NFASC: variants seen among roughly 807,000 people sequenced by gnomAD.
NFASC encodes the protein neurofascin.
A neutral mutation model predicts 147.5 loss-of-function variants in NFASC; 43 were observed. The ratio of observed to expected loss-of-function variants is 0.29; its 90% confidence interval spans 0.23 to 0.38. The LOEUF is 0.38. Among genes scored for constraint, NFASC ranks in the 10% least tolerant of loss-of-function variants. The probability of loss-of-function intolerance (pLI) is 1.00; values close to 1 mark genes in which losing one functional copy is unlikely to be tolerated. For synonymous variants in NFASC, 622 were observed against 665.5 expected (o/e 0.93, Z 1.01); for missense variants, 1,320 against 1,689.0 (o/e 0.78, Z 3.83).
At chr1:204,858,758 G>A (rs1016603229) in intron 1 of NFASC, among the ~76,000 whole-genome samples, 8 of 152,028 alleles carry the variant, frequency 5.3e-5, no homozygotes, top group African/African-American at 9.7e-5. Flanking sequence ...CACCTGCTCC[G>A]TGTAGGAGCT....
chr1:204,962,837 A>T (rs940998145), intron 8 of NFASC, among the ~76,000 whole-genome samples: 1 of 152,226 alleles, frequency 6.6e-6, no homozygotes, highest in African/African-American at 2.4e-5. Flanking sequence ...CTTGCGAGAC[A>T]TGGAACAATT....
intron 1 of NFASC, among the ~76,000 whole-genome samples, chr1:204,901,048 G>A (rs2084458616): frequency 1.3e-5 from 2 of 152,120 alleles, no homozygotes; most frequent in African/African-American, 4.8e-5. Flanking sequence ...AGAAAGAGAG[G>A]AGGCAAAGAG....
At chr1:204,959,539 CA>C (rs1449545634) in intron 8 of NFASC, among the ~76,000 whole-genome samples, 1 of 152,204 alleles carries the variant, frequency 6.6e-6, no homozygotes, top group Admixed American at 6.5e-5. Context: ...ACAGCATTGG[CA>C]GGGGGAGGAG....
intron 21 of NFASC, 50 bp downstream of exon 21, chr1:204,982,070 G>A (rs529460304): frequency 5.4e-5 from 70 of 1,285,322 alleles, no homozygotes; most frequent in East Asian, 3.3e-4. Context: ...TGGCTAGGTC[G>A]CACGAGGCCA....
intron 1 of NFASC, among the ~76,000 whole-genome samples, chr1:204,915,698 C>T (rs1355453594): frequency 6.6e-6 from 1 of 152,074 alleles, no homozygotes; most frequent in Non-Finnish European, 1.5e-5. Flanking sequence ...TCTTTTTGCC[C>T]TGAGCACAGT....
chr1:204,852,466 C>T (rs979876730), intron 1 of NFASC, among the ~76,000 whole-genome samples: 21 of 152,216 alleles, frequency 1.4e-4, no homozygotes, highest in Admixed American at 2.6e-4. Flanking sequence ...CGCCACTGCA[C>T]TCCAACCTGG....
chr1:204,924,360 C>A (rs758551425), intron 2 of NFASC, among the ~76,000 whole-genome samples: 2 of 152,202 alleles, frequency 1.3e-5, no homozygotes, highest in Non-Finnish European at 2.9e-5. Context: ...TCTATGCTCC[C>A]GCTTATCACA....
chr1:205,012,750 T>G (rs776101430), intron 28 of NFASC, 47 bp from the exon 29 acceptor site: 1 of 1,373,530 alleles, frequency 7.3e-7, no homozygotes, highest in Non-Finnish European at 1.0e-6. Context: ...AGCAGGGGCA[T>G]GTACTTAATC....
chr1:204,960,601 C>T (rs2094614860), intron 8 of NFASC, among the ~76,000 whole-genome samples: 1 of 152,224 alleles, frequency 6.6e-6, no homozygotes, highest in Non-Finnish European at 1.5e-5. Flanking sequence ...TGGGCTACTT[C>T]TCTGGAGAGA....
chr1:204,921,147 G>A (rs1361037256), intron 2 of NFASC, among the ~76,000 whole-genome samples: 1 of 152,196 alleles, frequency 6.6e-6, no homozygotes, highest in Non-Finnish European at 1.5e-5. Context: ...CCCTGCCCTG[G>A]GCGGGGCATT....
At chr1:204,955,639 C>T (rs2094390502) in intron 7 of NFASC, among the ~76,000 whole-genome samples, 1 of 151,884 alleles carries the variant, frequency 6.6e-6, no homozygotes, top group South Asian at 2.1e-4. Context: ...CCCATGTTTT[C>T]AATTTAAATA....
chr1:204,844,381 T>G (rs1158155678), intron 1 of NFASC, among the ~76,000 whole-genome samples: 1 of 152,224 alleles, frequency 6.6e-6, no homozygotes, highest in African/African-American at 2.4e-5. Context: ...AGCTTCATGC[T>G]CTGCCTTATT....
At chr1:204,846,675 T>TCACTG (rs1395848864) in intron 1 of NFASC, among the ~76,000 whole-genome samples, 1 of 152,060 alleles carries the variant, frequency 6.6e-6, no homozygotes, top group Non-Finnish European at 1.5e-5. Context: ...CACGTGACCA[T>TCACTG]CACTGCACCC....
At chr1:204,950,156 G>C (rs2094009122) in intron 3 of NFASC, among the ~76,000 whole-genome samples, 1 of 152,202 alleles carries the variant, frequency 6.6e-6, no homozygotes, top group South Asian at 2.1e-4. Context: ...AGCCTCTCCT[G>C]TTCACTGTTG....
chr1:204,841,715 C>A (rs1370080789), intron 1 of NFASC, among the ~76,000 whole-genome samples: 1 of 152,160 alleles, frequency 6.6e-6, no homozygotes, highest in African/African-American at 2.4e-5. Context: ...ACAAGGGGGA[C>A]AACCCCATGA....
chr1:204,856,418 T>TGTGTGTGTGTGTGA (rs1320968276), intron 1 of NFASC, among the ~76,000 whole-genome samples: 16 of 151,062 alleles, frequency 1.1e-4, no homozygotes, highest in African/African-American at 3.7e-4. Context: ...TGTGTGTGTG[T>TGTGTGTGTGTGTGA]GATTGTGTGA....
chr1:204,956,891 A>G (rs1476837631), intron 7 of NFASC, among the ~76,000 whole-genome samples: 1 of 152,076 alleles, frequency 6.6e-6, no homozygotes, highest in East Asian at 1.9e-4. Context: ...TTGGGTTTAC[A>G]TCAGATATAG....
chr1:204,890,935 C>T (rs2082266469), intron 1 of NFASC, among the ~76,000 whole-genome samples: 1 of 152,174 alleles, frequency 6.6e-6, no homozygotes, highest in East Asian at 1.9e-4. Context: ...CCCTGATGCT[C>T]ACCCAATGGT....
chr1:204,917,559 CT>C (rs1398347331), intron 1 of NFASC, among the ~76,000 whole-genome samples: 1 of 152,086 alleles, frequency 6.6e-6, no homozygotes, highest in African/African-American at 2.4e-5. Context: ...TGACTAATGG[CT>C]TATTTAGGAT....
Sources: gnomAD v4.1 joint callset for allele counts (sites outside exome capture counted in the v4.1 genomes callset) on GRCh38, gnomAD v4.1.1 for gene constraint, MANE v1.5 for transcripts, NCBI Gene and HGNC (gene_info 2026-07-23, HGNC 2026-07-21) for gene names.